Variants in MAST4 observed in about 807,000 individuals in gnomAD.
The protein encoded by MAST4 is microtubule associated serine/threonine kinase family member 4, also known as microtubule-associated serine/threonine-protein kinase 4.
MAST4 carries 89 observed loss-of-function variants against 162.7 expected under a neutral mutation model. The ratio of observed to expected loss-of-function variants is 0.55; its 90% CI spans 0.46 to 0.65. The LOEUF (loss-of-function observed/expected upper bound fraction) is 0.65, where lower values mean the gene tolerates loss of function less well. Ranked by LOEUF, MAST4 falls within the 30% of genes least tolerant of loss-of-function variation. The probability of loss-of-function intolerance (pLI) is 0.00; values close to 1 mark genes in which losing one functional copy is unlikely to be tolerated. For synonymous variants in MAST4, 1,479 were observed against 1,361.1 expected, an observed-to-expected ratio of 1.09 and a Z score of -1.91; for missense variants, 3,153 against 3,374.0, an observed-to-expected ratio of 0.93 and a Z score of 1.62.
rs750948037 is a variant in MAST4 at position 67,152,691 on chromosome 5, C to T, written c.3350C>T (p.Ser1117Leu). ...CCAATGTCTCCCCATTCCCTGTCCT[C>T]GGACCCTTCTTCTTCACGAGATTCC... ...GSPMSPHSLS[S>L]DPSSSRDSSP... is the part of the protein sequence containing the mutation. The change falls in exon 25 of 29, where the codon TCG becomes TTG. Residue 1117 changes from serine (S) to leucine (L), a missense_variant. By Grantham distance (145) the Ser-to-Leu change is moderately radical. Coordinates refer to ENST00000403625, the MANE Select transcript of MAST4 (RefSeq NM_001164664.2). 3.7e-6 allele frequency: 6 copies of T among 1,613,908 alleles called. No individual in the cohort carries two copies. Among genetic ancestry groups the T allele is most frequent in the African/African-American group, 1.3e-5 (1 of 74,920 alleles).
rs566626829 is a variant in MAST4 at position 66,687,781 on chromosome 5, GGAATC to G, written c.364-71927_364-71923del. Among the ~76,000 whole-genome samples the G allele has an allele frequency of 2.6e-3, 393 of 152,086 alleles. 4 individuals carry two copies. The highest frequency in any genetic ancestry group is 8.6e-3 in the African/African-American group (356 of 41,502). ...GTGCTGTGATAAACGTAACAGACCA[GGAATC>G]TTTTTGATAAAACAATTCCTTTTCT... On this transcript the variant is annotated intron_variant, in intron 1 of 28. Transcript: ENST00000403625.
chr5:67,015,072 A>C (rs1177123922), intron 4 of MAST4, among the ~76,000 whole-genome samples: 1 of 152,316 alleles, frequency 6.6e-6, no homozygotes, highest in East Asian at 1.9e-4. Flanking sequence ...ATGAGGGAAA[A>C]GGGTTCTGAC....
intron 1 of MAST4, among the ~76,000 whole-genome samples, chr5:66,688,219 A>C (rs893909687): frequency 6.6e-6 from 1 of 152,176 alleles, no homozygotes; most frequent in Admixed American, 6.5e-5. Context: ...GGAATGGCCT[A>C]TTTTCCAAGA....
At chr5:66,724,329 C>T (rs539379364) in intron 1 of MAST4, among the ~76,000 whole-genome samples, 1 of 152,260 alleles carries the variant, frequency 6.6e-6, no homozygotes, top group African/African-American at 2.4e-5. Context: ...GACCTGTCAA[C>T]CCTGGTTAAC....
intron 8 of MAST4, 24 bp downstream of exon 8, chr5:67,100,616 A>G (rs1448809701): frequency 1.2e-6 from 2 of 1,613,414 alleles, no homozygotes; most frequent in Non-Finnish European, 1.7e-6. Context: ...GCTGAAAACC[A>G]TTACTTAGTT....
chr5:66,959,110 T>G (rs2150152635), intron 4 of MAST4: 1 of 673,352 alleles, frequency 1.5e-6, no homozygotes, highest in South Asian at 1.6e-5. Flanking sequence ...GGACCCAAAC[T>G]TGCAGCCTCC....
chr5:67,056,332 C>G (rs1204520383), intron 5 of MAST4, among the ~76,000 whole-genome samples: 2 of 152,136 alleles, frequency 1.3e-5, no homozygotes, highest in Non-Finnish European at 2.9e-5. Context: ...GTGCCAGATA[C>G]CTTACTTGGG....
chr5:66,793,128 C>T lies in MAST4; in HGVS notation c.642+4334C>T, dbSNP rs530237366. ...GCAAGCTTGAAGGTATTGCTAACTACCTTCTCAAGGAGGAGATTAATTCCT... is the reference window on the plus strand; with the variant it reads ...GCAAGCTTGAAGGTATTGCTAACTATCTTCTCAAGGAGGAGATTAATTCCT... On this transcript the variant is annotated intron_variant, in intron 3 of 28. Coordinates refer to ENST00000403625, the MANE Select transcript of MAST4 (RefSeq NM_001164664.2). Among the ~76,000 whole-genome samples the T allele has an allele frequency of 4.6e-5, 7 of 152,314 alleles. No individual in the cohort carries two copies. The South Asian group carries it at 1.4e-3, about 32-fold the overall frequency.
rs528585267 is a variant in MAST4 at position 66,648,935 on chromosome 5, TA to T, written c.363+51922del. On this transcript the variant is annotated intron_variant, in intron 1 of 28. Coordinates refer to ENST00000403625, the MANE Select transcript of MAST4 (RefSeq NM_001164664.2). Reference sequence around the variant, plus strand: ...GTTTAAATTAAAAATATTTAAATTTTAAAAACCTTTAAATTTCATTTTTCTA... The same window carrying T: ...GTTTAAATTAAAAATATTTAAATTTTAAAACCTTTAAATTTCATTTTTCTA... 2.0e-3 allele frequency among the ~76,000 whole-genome samples: 298 copies of T among 152,266 alleles called. 2 individuals carry two copies. The highest frequency in any genetic ancestry group is 6.0e-3 in the East Asian group (31 of 5,170).
In MAST4 at chr5:67,166,261, C is replaced by T; in HGVS notation, c.7082C>T (p.Pro2361Leu). Residue 2361 changes from proline to leucine, a missense_variant, in exon 29 of 29, where the codon CCG becomes CTG. Around this residue, in one of 7 missense-constraint regions of MAST4, gnomAD observed 1,644 missense variants for 1,495.0 expected, o/e 1.10. Transcript: ENST00000403625. ...NRQTDKSPSQ[P>L]AANTDRRAEG... ...CAGACAGACAAAAGCCCGAGTCAGCCGGCCGCCAACACCGACAGAAGGGCG... is the reference window on the plus strand; with the variant it reads ...CAGACAGACAAAAGCCCGAGTCAGCTGGCCGCCAACACCGACAGAAGGGCG... The T allele has an allele frequency of 6.4e-7, 1 of 1,553,666 alleles. No individual in the cohort carries two copies. The highest frequency in any genetic ancestry group is 8.7e-7 in the Non-Finnish European group (1 of 1,148,066).
intron 1 of MAST4, among the ~76,000 whole-genome samples, chr5:66,692,913 A>C (rs1458250809): frequency 6.6e-6 from 1 of 152,014 alleles, no homozygotes; most frequent in African/African-American, 2.4e-5. Flanking sequence ...GTGTGCTTAC[A>C]CAGTCGTCTG....
At chr5:66,807,502 CA>C (rs57438295) in intron 3 of MAST4, among the ~76,000 whole-genome samples, 307 of 129,070 alleles carry the variant, frequency 2.4e-3, no homozygotes, top group Middle Eastern at 8.5e-3. Flanking sequence ...GACTCCGTCT[CA>C]AAAAAAAAAA....
intron 5 of MAST4, among the ~76,000 whole-genome samples, chr5:67,087,625 G>A: frequency 6.6e-6 from 1 of 152,092 alleles, no homozygotes; most frequent in East Asian, 1.9e-4. Context: ...TTGAGCTAGA[G>A]TCCCTTGTCC....
At chr5:66,785,109 T>C (rs948380231) in intron 2 of MAST4, among the ~76,000 whole-genome samples, 2 of 152,188 alleles carry the variant, frequency 1.3e-5, no homozygotes. Context: ...TGCGTGCCTG[T>C]AATCCCAGCT....
At position 66,765,977 on chromosome 5, in the gene MAST4, C is replaced by T. The variant is rs1754076699; in HGVS notation, c.517+6115C>T. Among the ~76,000 whole-genome samples the T allele has an allele frequency of 2.6e-5, 4 of 152,284 alleles. No individual in the cohort carries two copies. The South Asian group carries it at 6.2e-4, about 24-fold the overall frequency. ...GAAGGTCCACAGCTTGCTAAATAAG[C>T]ACCTAGAAGCCTCATGTAAACATTG... On this transcript the variant is annotated intron_variant, in intron 2 of 28. Transcript: ENST00000403625.
At chr5:67,065,096 A>G (rs1394985047) in intron 5 of MAST4, among the ~76,000 whole-genome samples, 1 of 152,192 alleles carries the variant, frequency 6.6e-6, no homozygotes, top group Non-Finnish European at 1.5e-5. Context: ...CTAAATCCCT[A>G]AAAGTTTATG....
At chr5:66,912,050 G>C (rs1391284124) in intron 4 of MAST4, among the ~76,000 whole-genome samples, 1 of 152,144 alleles carries the variant, frequency 6.6e-6, no homozygotes, top group Non-Finnish European at 1.5e-5. Context: ...GGTCAGCTTT[G>C]AGGCAGAGAG....
intron 3 of MAST4, among the ~76,000 whole-genome samples, chr5:66,858,214 A>G (rs1304743068): frequency 6.6e-6 from 1 of 152,212 alleles, no homozygotes; most frequent in Non-Finnish European, 1.5e-5. Context: ...ATGGTTGGCC[A>G]GGCTGGTCTC....
At chr5:66,668,883 C>G (rs899495897) in intron 1 of MAST4, among the ~76,000 whole-genome samples, 2 of 152,110 alleles carry the variant, frequency 1.3e-5, no homozygotes, top group Non-Finnish European at 2.9e-5. Context: ...TGCTGAGAGA[C>G]TAGCAACAGT....
Sources: allele counts gnomAD v4.1 joint callset (sites outside exome capture counted in the v4.1 genomes callset), GRCh38; gene constraint gnomAD v4.1.1; regional missense constraint gnomAD v4.1.1; transcripts MANE v1.5; gene names NCBI Gene and HGNC (gene_info 2026-07-23, HGNC 2026-07-21).